Variants in PTGIS observed in about 807,000 individuals in gnomAD.
PTGIS encodes prostacyclin synthase.
In PTGIS, 45 loss-of-function variants were observed where a neutral mutation model predicts 50.3. The ratio of observed to expected loss-of-function variants is 0.90; its 90% CI spans 0.70 to 1.15. The LOEUF (loss-of-function observed/expected upper bound fraction) is 1.15. Ranked by LOEUF, PTGIS falls within the 50% of genes most tolerant of loss-of-function variation. The pLI, the probability that PTGIS is intolerant of heterozygous loss-of-function variation, is 0.00. For missense variants in PTGIS, 668 were observed against 661.3 expected (o/e 1.01, Z -0.11); for synonymous variants, 260 against 267.7 (o/e 0.97, Z 0.28).
chr20:49,508,145 T>C, intron 9 of PTGIS, 81 bp from the exon 10 acceptor site: 3 of 1,532,556 alleles, frequency 2.0e-6, no homozygotes, highest in South Asian at 2.3e-5. Context: ...GAGCCATGGC[T>C]GCCTCCTAAG....
chr20:49,549,814 A>G (rs1348063347), intron 2 of PTGIS, among the ~76,000 whole-genome samples: 1 of 152,136 alleles, frequency 6.6e-6, no homozygotes, highest in African/African-American at 2.4e-5. Context: ...CAAGTATTGG[A>G]TAGATATTGA....
chr20:49,537,575 C>T (rs897009313), intron 5 of PTGIS, among the ~76,000 whole-genome samples: 3 of 151,864 alleles, frequency 2.0e-5, no homozygotes, highest in African/African-American at 7.3e-5. Flanking sequence ...GCCAACATGG[C>T]GAAACACTGT....
chr20:49,507,402 C>A lies in PTGIS; in HGVS notation c.*518G>T. The A allele has an allele frequency of 4.8e-6, 1 of 207,916 alleles. No homozygotes were observed. Among genetic ancestry groups the A allele is most frequent in the Non-Finnish European group, 9.8e-6 (1 of 101,696 alleles). 12.9% of individuals were successfully genotyped at this position (207,916 alleles called of 1,614,324 possible). ...CAAATGGGGCCCCAGGGAAGCAGAT[C>A]TTCTAAGGGACTCCTTTGGTTTTAG... On this transcript the variant is annotated 3_prime_UTR_variant, in exon 10 of 10. Coordinates refer to ENST00000244043, the MANE Select transcript of PTGIS (RefSeq NM_000961.4).
intron 3 of PTGIS, among the ~76,000 whole-genome samples, chr20:49,545,374 C>A (rs1338745769): frequency 6.6e-6 from 1 of 151,484 alleles, no homozygotes; most frequent in Non-Finnish European, 1.5e-5. Flanking sequence ...GAGCTATGAT[C>A]ACACCACTGC....
chr20:49,545,349 G>A (rs144686428), intron 3 of PTGIS, among the ~76,000 whole-genome samples: 2 of 152,086 alleles, frequency 1.3e-5, no homozygotes, highest in African/African-American at 4.8e-5. Flanking sequence ...GAGTCCAGGA[G>A]TTTGAAGCTG....
chr20:49,511,498 A>C (rs1981319157), intron 8 of PTGIS, among the ~76,000 whole-genome samples: 1 of 152,244 alleles, frequency 6.6e-6, no homozygotes, highest in East Asian at 1.9e-4. Context: ...CCATGAAAAC[A>C]ATTCGCAAGG....
In PTGIS at chr20:49,508,438, A is replaced by G. The variant is rs1230084523; in HGVS notation, c.1359-374T>C. On this transcript the variant is annotated intron_variant, in intron 9 of 9. Transcript: ENST00000244043. Reference sequence around the variant, plus strand: ...AAGAGCCTGGCCCGAGTCTGTGCACAGAGTGGGGAAGCCCTCCAATCCCAC... The same window carrying G: ...AAGAGCCTGGCCCGAGTCTGTGCACGGAGTGGGGAAGCCCTCCAATCCCAC... 3.3e-5 allele frequency among the ~76,000 whole-genome samples: 5 copies of G among 152,126 alleles called. No homozygotes were observed. In the East Asian group the frequency reaches 7.7e-4, roughly 23 times the overall value.
In PTGIS at chr20:49,547,157, G is replaced by A. The variant is rs187187976; in HGVS notation, c.377+684C>T. ...TGAGGCAGGAGAATCGCCTGAACCC[G>A]GGAGGCGGAGGTTACAGTGAGCCAA... On this transcript the variant is annotated intron_variant, in intron 3 of 9. Coordinates refer to ENST00000244043, the MANE Select transcript of PTGIS (RefSeq NM_000961.4). 8.4e-3 allele frequency among the ~76,000 whole-genome samples: 1,276 copies of A among 152,296 alleles called. 18 individuals are homozygous for A. The highest frequency in any genetic ancestry group is 0.03 in the African/African-American group (1,229 of 41,562).
At chr20:49,543,729 C>T (rs1982288172) in intron 4 of PTGIS, among the ~76,000 whole-genome samples, 1 of 152,166 alleles carries the variant, frequency 6.6e-6, no homozygotes, top group South Asian at 2.1e-4. Context: ...AGAAAGCCCC[C>T]CAGATGCTGT....
intron 1 of PTGIS, among the ~76,000 whole-genome samples, chr20:49,551,617 C>T (rs1286975540): frequency 1.3e-5 from 2 of 152,156 alleles, no homozygotes; most frequent in African/African-American, 2.4e-5. Context: ...GCCTTGACCA[C>T]GTTGGGCACA....
intron 1 of PTGIS, among the ~76,000 whole-genome samples, chr20:49,555,250 G>T (rs188136605): frequency 1.3e-5 from 2 of 149,526 alleles, no homozygotes; most frequent in African/African-American, 4.9e-5. Flanking sequence ...TCCAACCTGG[G>T]CGACAAAGTG....
intron 1 of PTGIS, among the ~76,000 whole-genome samples, chr20:49,551,096 A>G (rs75550480): frequency 6.6e-6 from 1 of 152,060 alleles, no homozygotes; most frequent in Non-Finnish European, 1.5e-5. Context: ...AGTCCCAGTT[A>G]CTCGGGAGGC....
At chr20:49,557,967 T>C (rs1982659485) in intron 1 of PTGIS, among the ~76,000 whole-genome samples, 1 of 152,204 alleles carries the variant, frequency 6.6e-6, no homozygotes, top group South Asian at 2.1e-4. Flanking sequence ...CAGACCTCTC[T>C]ACTGGGCATG....
Position 49,545,850 on chromosome 20 carries a change from AGGAT to A in PTGIS, c.378-1406_378-1403del, listed in dbSNP as rs1403950486. ...CTGTCATGCCTGCTGTTTGGGAAGT[AGGAT>A]GGACTGCTGTTTGGGAAGTAGGATG... On this transcript the variant is annotated intron_variant, in intron 3 of 9. Coordinates refer to ENST00000244043, the MANE Select transcript of PTGIS (RefSeq NM_000961.4). Among the ~76,000 whole-genome samples, 15 of 3,552 alleles carry A rather than the reference AGGAT, an allele frequency of 4.2e-3. No individual in the cohort carries two copies. In the African/African-American group the frequency reaches 0.061, roughly 14 times the overall value. 2.3% of individuals were successfully genotyped at this position (3,552 alleles called of 152,430 possible).
At position 49,558,604 on chromosome 20, in the gene PTGIS, C is replaced by A. The variant is rs975490761; in HGVS notation, c.75-8415G>T. 2.6e-5 allele frequency among the ~76,000 whole-genome samples: 4 copies of A among 152,088 alleles called. No homozygotes were observed. In the East Asian group the frequency reaches 7.7e-4, roughly 29 times the overall value. On this transcript the variant is annotated intron_variant, in intron 1 of 9. Coordinates refer to ENST00000244043, the MANE Select transcript of PTGIS (RefSeq NM_000961.4). ...TTATACAAATGTATACACTATTATTCGTAAGCAGTGTCAGAGGTGTTCAAA... is the reference window on the plus strand; with the variant it reads ...TTATACAAATGTATACACTATTATTAGTAAGCAGTGTCAGAGGTGTTCAAA...
At chr20:49,552,452 G>A (rs1164123286) in intron 1 of PTGIS, among the ~76,000 whole-genome samples, 3 of 152,068 alleles carry the variant, frequency 2.0e-5, no homozygotes, top group African/African-American at 7.2e-5. Flanking sequence ...TTTATGTTTG[G>A]CTTGTGGCTT....
intron 1 of PTGIS, among the ~76,000 whole-genome samples, chr20:49,560,729 G>T (rs1022291578): frequency 6.6e-6 from 1 of 152,174 alleles, no homozygotes; most frequent in Non-Finnish European, 1.5e-5. Context: ...AGGTACTGGG[G>T]TGGGAGCATG....
chr20:49,539,143 G>A (rs1982157097), intron 5 of PTGIS, among the ~76,000 whole-genome samples: 1 of 152,184 alleles, frequency 6.6e-6, no homozygotes, highest in South Asian at 2.1e-4. Context: ...GCTAGTGATG[G>A]TGGTTGCCTC....
At chr20:49,551,253 G>A (rs1422147990) in intron 1 of PTGIS, among the ~76,000 whole-genome samples, 2 of 152,086 alleles carry the variant, frequency 1.3e-5, no homozygotes, top group Admixed American at 6.5e-5. Context: ...TTCAGGCCGT[G>A]GTGGGAAGTG....
Sources: gnomAD v4.1 joint callset for allele counts (sites outside exome capture counted in the v4.1 genomes callset) on GRCh38, gnomAD v4.1.1 for gene constraint, MANE v1.5 for transcripts, NCBI Gene and HGNC (gene_info 2026-07-23, HGNC 2026-07-21) for gene names.